The following B9D1 variants were observed in gnomAD, a reference collection of about 807,000 sequenced individuals.
The protein encoded by B9D1 is B9 domain containing 1.
B9D1 carries 20 observed loss-of-function variants against 26.1 expected under a neutral mutation model. That is an observed-to-expected ratio of 0.77 (90% CI 0.54 to 1.12). B9D1 has a LOEUF of 1.12. Ranked by LOEUF, B9D1 falls within the 50% of genes most tolerant of loss-of-function variation. The pLI is 0.00. For synonymous variants in B9D1, 105 were observed against 103.1 expected, an observed-to-expected ratio of 1.02 and a Z score of -0.11; for missense variants, 260 against 273.7, an observed-to-expected ratio of 0.95 and a Z score of 0.35.
At chr17:19,352,865 A>C (rs1419967897) in intron 3 of B9D1, among the ~76,000 whole-genome samples, 2 of 147,616 alleles carry the variant, frequency 1.4e-5, no homozygotes, top group South Asian at 4.3e-4. Context: ...ATGGGGTTTC[A>C]CCATGTTGGC....
chr17:19,349,000 C>T (rs577945389), intron 3 of B9D1, among the ~76,000 whole-genome samples: 3 of 152,266 alleles, frequency 2.0e-5, no homozygotes, highest in Admixed American at 6.5e-5. Flanking sequence ...TCGGTACTCG[C>T]GTGCACACAT....
At chr17:19,337,688 G>C, downstream of B9D1, 1 of 1,530,996 alleles carries the variant, frequency 6.5e-7, no homozygotes, top group Non-Finnish European at 8.8e-7. Context: ...CAGTGACTCA[G>C]GGACTCAAGC....
intron 2 of B9D1, among the ~76,000 whole-genome samples, chr17:19,358,258 CCCTCACCTGAGTATCCCCAT>C (rs1168430938): frequency 3.9e-5 from 6 of 152,150 alleles, no homozygotes; most frequent in Middle Eastern, 3.2e-3. Context: ...TGCATCCCCA[CCCTCACCTGAGTATCCCCAT>C]CCTCACCTGA....
intron 3 of B9D1, among the ~76,000 whole-genome samples, chr17:19,348,188 G>A (rs1347946478): frequency 6.6e-6 from 1 of 152,150 alleles, no homozygotes; most frequent in Non-Finnish European, 1.5e-5. Flanking sequence ...CCTTATCTGG[G>A]CCCAGGGCCC....
chr17:19,349,994 C>T (rs2042660929), intron 3 of B9D1, among the ~76,000 whole-genome samples: 1 of 152,110 alleles, frequency 6.6e-6, no homozygotes, highest in African/African-American at 2.4e-5. Flanking sequence ...CGCCTGTAGT[C>T]CCAGCCACTC....
chr17:19,360,385 G>C lies in B9D1; in HGVS notation c.67C>G (p.Pro23Ala), dbSNP rs766799080. Residue 23 changes from proline to alanine, a missense_variant, in exon 2 of 7, where the codon CCA (proline) becomes GCA (alanine). Coordinates refer to ENST00000261499, the MANE Select transcript of B9D1 (RefSeq NM_015681.6). The stretch of plus-strand genomic sequence containing the variant: ...TTGCAGTAGAGGTCATCATACTCTG[G>C]AAACTGAAAAAAGCACAGACAGATT... ...VNGQVESAQF[P>A]EYDDLYCKYC... is the part of the protein sequence containing the mutation. The C allele has an allele frequency of 1.3e-5, 21 of 1,613,718 alleles. No homozygotes were observed. Among genetic ancestry groups the C allele is most frequent in the Non-Finnish European group, 1.6e-5 (19 of 1,179,930 alleles).
At position 19,343,979 on chromosome 17, in the gene B9D1, C is replaced by A. The variant is rs1908348389; in HGVS notation, c.405-122G>T. On this transcript the variant is annotated intron_variant, in intron 5 of 6. Coordinates refer to ENST00000261499, the MANE Select transcript of B9D1 (RefSeq NM_015681.6). ...GCACTCTTGTTCCAACCGCACCCCA[C>A]CCCCACCAGGAGTCAGGCCCTAAGC... 9 of 1,439,672 alleles carry A rather than the reference C, an allele frequency of 6.3e-6. No homozygotes were observed. The East Asian group carries it at 1.5e-4, about 24-fold the overall frequency. The allele number at this position is 1,439,672 out of a possible 1,614,324, so 89.2% of individuals were successfully genotyped here. A position where few individuals can be genotyped will look rare whatever the true frequency, so the allele number is the denominator to read the frequency against.
Position 19,357,901 on chromosome 17 carries a change from C to G in B9D1, c.183G>C (p.Arg61=). The G allele has an allele frequency of 1.2e-6, 2 of 1,614,176 alleles. No individual in the cohort carries two copies. Among genetic ancestry groups the G allele is most frequent in the Non-Finnish European group, 8.5e-7 (1 of 1,180,028 alleles). ...SQITSKSQDV[R]QALVWNFPID... is the part of the protein sequence containing the mutation. ...TGGGGAAGTTCCACACCAGTGCTTG[C>G]CGCACATCTTGGCTCTTGGATGTGA... The change falls in exon 3 of 7, where the codon CGG becomes CGC. Residue 61 remains arginine (R), a synonymous_variant. Coordinates refer to ENST00000261499, the MANE Select transcript of B9D1 (RefSeq NM_015681.6).
chr17:19,360,612 G>A (rs1910925862), intron 1 of B9D1, among the ~76,000 whole-genome samples: 2 of 152,148 alleles, frequency 1.3e-5, no homozygotes, highest in South Asian at 4.1e-4. Flanking sequence ...GCTCTGCCTT[G>A]TCTGATTTGT....
intron 1 of B9D1, 53 bp downstream of exon 1, chr17:19,362,454 G>A (rs1911224241): frequency 1.4e-6 from 2 of 1,412,900 alleles, no homozygotes; most frequent in Non-Finnish European, 9.5e-7. Flanking sequence ...GTTGCGGGAA[G>A]GGCCCCGGGG....
chr17:19,353,854 C>T (rs577516160), intron 3 of B9D1, among the ~76,000 whole-genome samples: 18 of 152,014 alleles, frequency 1.2e-4, no homozygotes, highest in South Asian at 6.2e-4. Flanking sequence ...GCAGGAGAAT[C>T]GGTTGAACTC....
intron 3 of B9D1, among the ~76,000 whole-genome samples, chr17:19,352,948 G>A (rs372658646): frequency 3.2e-4 from 49 of 150,890 alleles, no homozygotes; most frequent in Non-Finnish European, 5.9e-4. Context: ...GATTACAGGC[G>A]TGAGCCACCA....
intron 1 of B9D1, among the ~76,000 whole-genome samples, chr17:19,369,269 C>T (rs749127269): frequency 1.2e-4 from 18 of 152,026 alleles, no homozygotes; most frequent in African/African-American, 4.4e-4. Context: ...AGAGCATAGT[C>T]GGTGCAAAGG....
In B9D1 at chr17:19,343,449, C is replaced by T. The variant is rs142346405; in HGVS notation, c.485G>A (p.Arg162His). Residue 162 changes from arginine to histidine, a missense_variant, in exon 7 of 7, where the codon CGT becomes CAT. Arg to His is a conservative substitution (Grantham distance 29, BLOSUM62 0). Transcript: ENST00000261499. ...QGEGREVTRV[R>H]SQGFVTLLFN... is the part of the protein sequence containing the mutation. The stretch of plus-strand genomic sequence containing the variant: ...GAGGAGGGTGACAAAGCCCTGAGAA[C>T]GGACACGGGTCACTGGGGACAGAAG... The T allele has an allele frequency of 5.9e-5, 96 of 1,614,176 alleles. No homozygotes were observed. Among genetic ancestry groups the T allele is most frequent in the Middle Eastern group, 3.3e-4 (2 of 6,062 alleles).
intron 3 of B9D1, among the ~76,000 whole-genome samples, chr17:19,352,833 A>AT (rs1909810383): frequency 6.7e-6 from 1 of 150,252 alleles, no homozygotes; most frequent in Admixed American, 6.6e-5. Context: ...TGCCTGGCTA[A>AT]TTTTTAATAT....
chr17:19,362,670 G>C lies in B9D1; in HGVS notation c.-101C>G. The C allele has an allele frequency of 6.5e-7, 1 of 1,541,532 alleles. No homozygotes were observed. The highest frequency in any genetic ancestry group is 2.4e-5 in the East Asian group (1 of 40,902). ...ACAGACGGCGTAGCGCGCAGGACAC[G>C]TTTCTTGGCAGCGACACCTTCGCGA... is the stretch of plus-strand genomic sequence containing the variant. On this transcript the variant is annotated 5_prime_UTR_variant, in exon 1 of 7. Transcript: ENST00000261499.
chr17:19,352,381 T>C (rs898743940), intron 3 of B9D1, among the ~76,000 whole-genome samples: 16 of 152,188 alleles, frequency 1.1e-4, no homozygotes, highest in Non-Finnish European at 2.1e-4. Context: ...GTTTCACTCT[T>C]TCGCCCAGAC....
chr17:19,362,650 C>A lies in B9D1; in HGVS notation c.-81G>T. On this transcript the variant is annotated 5_prime_UTR_variant, in exon 1 of 7. Transcript: ENST00000261499. ...ACGCCGGCGTTGCCCTAGAAACAGACGGCGTAGCGCGCAGGACACGTTTCT... is the reference window on the plus strand; with the variant it reads ...ACGCCGGCGTTGCCCTAGAAACAGAAGGCGTAGCGCGCAGGACACGTTTCT... 6.4e-7 allele frequency: 1 copy of A among 1,552,172 alleles called. No homozygotes were observed. The highest frequency in any genetic ancestry group is 8.7e-7 in the Non-Finnish European group (1 of 1,147,810).
upstream of B9D1, chr17:19,364,316 A>G (rs1911458712): frequency 6.6e-6 from 1 of 152,158 alleles, no homozygotes; most frequent in Admixed American, 6.5e-5. This position sits in a 1 kb window ranked among gnomAD's most constrained non-coding sequence, Gnocchi z 4.3. Flanking sequence ...AGACTCCAGG[A>G]TAGGATGGGA....
Sources: gnomAD v4.1 joint callset for allele counts (sites outside exome capture counted in the v4.1 genomes callset) on GRCh38, gnomAD v4.1.1 for gene constraint, Gnocchi (gnomAD v3.1) non-coding constraint, MANE v1.5 for transcripts, NCBI Gene and HGNC (gene_info 2026-07-23, HGNC 2026-07-21) for gene names.